IQCM: variants seen among roughly 807,000 people sequenced by gnomAD.
IQCM encodes the protein IQ domain-containing protein M.
Under a neutral mutation model 57.6 loss-of-function variants are expected in IQCM, and 45 were observed. That is an observed-to-expected ratio of 0.78 (90% confidence interval 0.62 to 1.00). The LOEUF is 1.00. Among genes scored for constraint, IQCM ranks in the 50% least tolerant of loss-of-function variants. IQCM has a pLI of 0.00. For missense variants in IQCM, 468 were observed against 511.6 expected (o/e 0.91, Z 0.82); for synonymous variants, 148 against 158.9 (o/e 0.93, Z 0.51).
chr4:149,601,405 C>A (rs1754282368), intron 8 of IQCM, among the ~76,000 whole-genome samples: 1 of 152,022 alleles, frequency 6.6e-6, no homozygotes, highest in South Asian at 2.1e-4. Context: ...GTTGTGCTAC[C>A]ATTTAGGGAG....
At chr4:149,804,406 G>T (rs1365283737) in intron 2 of IQCM, among the ~76,000 whole-genome samples, 2 of 151,974 alleles carry the variant, frequency 1.3e-5, no homozygotes, top group East Asian at 3.9e-4. Context: ...TCCCTTCCAG[G>T]TTCTAGCAGC....
chr4:149,503,132 G>A (rs1245797406), intron 12 of IQCM, among the ~76,000 whole-genome samples: 1 of 152,032 alleles, frequency 6.6e-6, no homozygotes, highest in African/African-American at 2.4e-5. Context: ...GAGGCAGGAG[G>A]ACTGCTTGAG....
intron 9 of IQCM, among the ~76,000 whole-genome samples, chr4:149,585,970 T>A (rs935483056): frequency 5.9e-5 from 9 of 151,608 alleles, no homozygotes; most frequent in African/African-American, 2.2e-4. Flanking sequence ...CAGAAAAATG[T>A]TTAGAGTCCA....
chr4:149,633,867 AT>A (rs1458340189), intron 7 of IQCM, among the ~76,000 whole-genome samples: 5 of 152,042 alleles, frequency 3.3e-5, no homozygotes, highest in South Asian at 2.1e-4. Flanking sequence ...CTACACCGTC[AT>A]TTTTTTTCTT....
intron 13 of IQCM, among the ~76,000 whole-genome samples, chr4:149,365,709 T>C (rs1380038558): frequency 6.8e-6 from 1 of 146,836 alleles, no homozygotes; most frequent in Non-Finnish European, 1.5e-5. Flanking sequence ...TTCCAAAAAT[T>C]TGTAATCCCA....
rs1166895870 is a variant in IQCM, at chr4:149,735,423, GAA to G, written c.71_72del (p.Phe24SerfsTer12). The G allele has an allele frequency of 4.9e-6, 6 of 1,226,924 alleles. No homozygotes were observed. The African/African-American group carries it at 9.3e-5, about 19-fold the overall frequency. The allele number at this position is 1,226,924 out of a possible 1,614,324, so 76.0% of individuals were successfully genotyped here. A position where few individuals can be genotyped will look rare whatever the true frequency, so the allele number is the denominator to read the frequency against. On this transcript the variant is annotated frameshift_variant, in exon 4 of 14. Coordinates refer to ENST00000636793, the MANE Select transcript of IQCM (RefSeq NM_001363507.2). LOFTEE classifies it high-confidence loss of function. Reference sequence around the variant, plus strand: ...TGGGCAATGAGAGTTTTTGCTTCTTGAAAAAAGTCTTGCTTGGTGATCTCTAA... The same window carrying G: ...TGGGCAATGAGAGTTTTTGCTTCTTGAAAAGTCTTGCTTGGTGATCTCTAA... The part of the protein sequence containing the change: ...PTLEITKQDF[F>X]QEAKTLIAQH...
chr4:149,403,403 A>T (rs541132906), intron 13 of IQCM, among the ~76,000 whole-genome samples: 1 of 152,146 alleles, frequency 6.6e-6, no homozygotes, highest in African/African-American at 2.4e-5. Context: ...GCTGAATTCC[A>T]AATAGGATCA....
At chr4:149,575,360 A>G (rs759660905) in intron 9 of IQCM, among the ~76,000 whole-genome samples, 5 of 151,800 alleles carry the variant, frequency 3.3e-5, no homozygotes, top group Non-Finnish European at 7.4e-5. Context: ...TTATTTTACT[A>G]TTCCTTTTCC....
At chr4:149,633,225 A>C (rs952079278) in intron 7 of IQCM, among the ~76,000 whole-genome samples, 8 of 151,712 alleles carry the variant, frequency 5.3e-5, no homozygotes, top group Admixed American at 3.9e-4. Flanking sequence ...AGAAACAAGA[A>C]CAGTGAAATG....
chr4:149,680,386 C>T (rs550454895), intron 7 of IQCM, among the ~76,000 whole-genome samples: 1 of 151,202 alleles, frequency 6.6e-6, no homozygotes, highest in South Asian at 2.1e-4. Flanking sequence ...GGTATCTCTG[C>T]AGTCTATGTA....
intron 2 of IQCM, among the ~76,000 whole-genome samples, chr4:149,761,595 T>C (rs1220782766): frequency 6.6e-6 from 1 of 152,128 alleles, no homozygotes; most frequent in Non-Finnish European, 1.5e-5. Flanking sequence ...CTTTTAAATC[T>C]TGTAGTATGG....
At chr4:149,463,436 T>A (rs1462017176) in intron 12 of IQCM, among the ~76,000 whole-genome samples, 1 of 152,162 alleles carries the variant, frequency 6.6e-6, no homozygotes, top group East Asian at 1.9e-4. Context: ...TTTAAATGGG[T>A]AGTGTGTTTC....
intron 8 of IQCM, among the ~76,000 whole-genome samples, chr4:149,620,060 G>A (rs1205246339): frequency 6.6e-6 from 1 of 152,164 alleles, no homozygotes; most frequent in African/African-American, 2.4e-5. Context: ...AGAAGGCTGA[G>A]GCACAAGAAT....
At chr4:149,568,344 CT>C (rs1487505632) in intron 9 of IQCM, among the ~76,000 whole-genome samples, 2 of 152,128 alleles carry the variant, frequency 1.3e-5, no homozygotes, top group African/African-American at 4.8e-5. Context: ...CTTGACAAGA[CT>C]CATGATCCTT....
At chr4:149,376,552 G>T (rs1357075989) in intron 13 of IQCM, among the ~76,000 whole-genome samples, 1 of 151,972 alleles carries the variant, frequency 6.6e-6, no homozygotes, top group Non-Finnish European at 1.5e-5. Context: ...TATTGCCAGG[G>T]TTGCCCAGCT....
At chr4:149,764,607 C>G (rs943031393) in intron 2 of IQCM, among the ~76,000 whole-genome samples, 1 of 152,090 alleles carries the variant, frequency 6.6e-6, no homozygotes, top group Non-Finnish European at 1.5e-5. Context: ...TGCACATCAA[C>G]AAATGTTGAA....
intron 2 of IQCM, among the ~76,000 whole-genome samples, chr4:149,809,489 T>C (rs1366623165): frequency 6.6e-6 from 1 of 152,212 alleles, no homozygotes; most frequent in African/African-American, 2.4e-5. Context: ...AGATTTTTAT[T>C]TTTGAAAATA....
At chr4:149,361,722 A>C (rs1294584765) in intron 13 of IQCM, among the ~76,000 whole-genome samples, 1 of 152,174 alleles carries the variant, frequency 6.6e-6, no homozygotes, top group Non-Finnish European at 1.5e-5. Context: ...GCCCAGACAA[A>C]AGTTTGCTGC....
In IQCM at chr4:149,686,397, G is replaced by A; in HGVS notation, c.457C>T (p.Gln153Ter). 2 of 1,222,752 alleles carry A rather than the reference G, an allele frequency of 1.6e-6. No homozygotes were observed. The highest frequency in any genetic ancestry group is 2.0e-6 in the Non-Finnish European group (2 of 979,928). 75.7% of individuals were successfully genotyped at this position (1,222,752 alleles called of 1,614,324 possible). A position where few individuals can be genotyped will look rare whatever the true frequency, so the allele number is the denominator to read the frequency against. Residue 153 changes from glutamine to a stop codon, truncating the protein, a stop_gained, in exon 6 of 14, where the codon CAG becomes TAG. Coordinates refer to ENST00000636793, the MANE Select transcript of IQCM (RefSeq NM_001363507.2). LOFTEE classifies it high-confidence loss of function. The stretch of plus-strand genomic sequence containing the variant: ...CATTACCTGGACTCCTCAAAGTGCT[G>A]TTGCTTTGCTGTCTCCATTTTTTTA... The part of the protein sequence containing the change: ...VSKKMETAKQ[Q>*]HFEESRNRML...
Sources: gnomAD v4.1 joint callset for allele counts (sites outside exome capture counted in the v4.1 genomes callset) on GRCh38, gnomAD v4.1.1 for gene constraint, MANE v1.5 for transcripts, NCBI Gene and HGNC (gene_info 2026-07-23, HGNC 2026-07-21) for gene names.